The following PKD1L1 variants were observed in gnomAD, a reference collection of about 807,000 sequenced individuals.
PKD1L1 encodes the protein polycystin-1-like protein 1.
PKD1L1 carries 236 observed loss-of-function variants against 323.4 expected under a neutral mutation model. The observed-to-expected ratio is 0.73, with a 90% CI of 0.66 to 0.81. PKD1L1 has a LOEUF of 0.81. Among genes scored for constraint, PKD1L1 ranks in the 40% least tolerant of loss-of-function variants. PKD1L1 has a pLI of 0.00. For synonymous variants in PKD1L1, 1,344 were observed against 1,335.0 expected, an observed-to-expected ratio of 1.01 and a Z score of -0.15; for missense variants, 3,320 against 3,508.0, an observed-to-expected ratio of 0.95 and a Z score of 1.35.
At chr7:47,863,907 C>T (rs946748290) in intron 26 of PKD1L1, among the ~76,000 whole-genome samples, 1 of 152,202 alleles carries the variant, frequency 6.6e-6, no homozygotes, top group East Asian at 1.9e-4. Flanking sequence ...CCATAACAGG[C>T]TCAGAACTCA....
chr7:47,874,908 T>C (rs1471959982), intron 23 of PKD1L1, among the ~76,000 whole-genome samples: 1 of 152,230 alleles, frequency 6.6e-6, no homozygotes. Context: ...GCTGTACTGA[T>C]AGTGACAATT....
At chr7:47,890,888 T>C in intron 15 of PKD1L1, 125 bp from the exon 16 acceptor site, 1 of 795,288 alleles carries the variant, frequency 1.3e-6, no homozygotes, top group Non-Finnish European at 2.0e-6. Flanking sequence ...GGAAGAGATA[T>C]TGCTTCCCAC....
At chr7:47,866,090 G>A (rs909316856) in intron 25 of PKD1L1, among the ~76,000 whole-genome samples, 7 of 152,186 alleles carry the variant, frequency 4.6e-5, no homozygotes, top group African/African-American at 1.7e-4. Context: ...TTCTTCAGAA[G>A]TTGCACAAAA....
chr7:47,811,681 G>A, intron 50 of PKD1L1, 136 bp downstream of exon 50: 1 of 685,022 alleles, frequency 1.5e-6, no homozygotes. Flanking sequence ...TGCAAGAAGG[G>A]GATGTGACAA....
chr7:47,855,642 C>T (rs1347869235), intron 28 of PKD1L1, among the ~76,000 whole-genome samples: 1 of 96,898 alleles, frequency 1.0e-5, no homozygotes, highest in Admixed American at 8.8e-5. Context: ...TTTGGGAGGC[C>T]GAGGCGGGCG....
chr7:47,788,389 C>T (rs1340448136), intron 56 of PKD1L1, among the ~76,000 whole-genome samples: 2 of 150,246 alleles, frequency 1.3e-5, no homozygotes, highest in African/African-American at 4.9e-5. Context: ...CTTCCAGGTT[C>T]AAGAGATTCT....
rs926144496 is a variant in PKD1L1, at chr7:47,853,028, G to A, written c.4960+99C>T. ...GCAGAGAAAGGATTCTGATGTTTTT[G>A]TCATGAATAAAGAAAAACACCACTA... On this transcript the variant is annotated intron_variant, in intron 31 of 56. Coordinates refer to ENST00000289672, the MANE Select transcript of PKD1L1 (RefSeq NM_138295.5). The A allele has an allele frequency of 3.7e-6, 3 of 806,014 alleles. No homozygotes were observed. The Admixed American group carries it at 6.6e-5, about 18-fold the overall frequency. 49.9% of individuals were successfully genotyped at this position (806,014 alleles called of 1,614,324 possible).
chr7:47,786,938 G>A (rs1786822478), intron 56 of PKD1L1, among the ~76,000 whole-genome samples: 2 of 152,194 alleles, frequency 1.3e-5, no homozygotes, highest in Admixed American at 6.5e-5. Context: ...GCAACTCACC[G>A]CATTTTGTTG....
chr7:47,908,712 C>A (rs1395200027), intron 8 of PKD1L1, among the ~76,000 whole-genome samples: 5 of 152,234 alleles, frequency 3.3e-5, no homozygotes, highest in Non-Finnish European at 7.4e-5. Context: ...GTTTTTCACA[C>A]ACTTACAATA....
chr7:47,936,664 C>T (rs1787872761), intron 4 of PKD1L1, among the ~76,000 whole-genome samples, 182 bp downstream of exon 4: 1 of 152,184 alleles, frequency 6.6e-6, no homozygotes, highest in Non-Finnish European at 1.5e-5. Flanking sequence ...ACCTGTTCTA[C>T]TCCTGCAAAT....
At chr7:47,855,313 C>A in intron 28 of PKD1L1, 48 bp from the exon 29 acceptor site, 1 of 1,439,154 alleles carries the variant, frequency 6.9e-7, no homozygotes, top group South Asian at 1.2e-5. Flanking sequence ...AAGCAATGGA[C>A]TTAAGTGAGA....
At chr7:47,857,505 T>C (rs562078358) in intron 28 of PKD1L1, 100 bp downstream of exon 28, 2 of 994,540 alleles carry the variant, frequency 2.0e-6, no homozygotes, top group East Asian at 2.5e-5. Context: ...AAAAAACAGG[T>C]GCAAATATGC....
intron 28 of PKD1L1, among the ~76,000 whole-genome samples, chr7:47,855,733 G>A (rs1425056783): frequency 7.7e-6 from 1 of 129,044 alleles, no homozygotes; most frequent in East Asian, 2.0e-4. Context: ...AAAATTAGCC[G>A]GGCGTAGTGG....
In PKD1L1 at chr7:47,778,501, A is replaced by G. The variant is rs112031545; in HGVS notation, c.8527-3335T>C. Among the ~76,000 whole-genome samples the G allele has an allele frequency of 4.4e-3, 668 of 152,274 alleles. 4 individuals carry two copies. Among genetic ancestry groups the G allele is most frequent in the Non-Finnish European group, 7.3e-3 (496 of 68,006 alleles). The stretch of plus-strand genomic sequence containing the variant: ...ATACAGACCTGGTGGCTCATCAAGG[A>G]GGTATTATAGCCCTCAAACAGGTGA... On this transcript the variant is annotated intron_variant, in intron 56 of 56. Coordinates refer to ENST00000289672, the MANE Select transcript of PKD1L1 (RefSeq NM_138295.5).
chr7:47,942,307 C>T (rs1788003894), intron 2 of PKD1L1, among the ~76,000 whole-genome samples: 1 of 152,146 alleles, frequency 6.6e-6, no homozygotes, highest in African/African-American at 2.4e-5. Context: ...ACGTAAGCAG[C>T]AGCAGCAGGA....
intron 31 of PKD1L1, among the ~76,000 whole-genome samples, chr7:47,852,625 C>T (rs543079766): frequency 3.2e-4 from 48 of 152,244 alleles, no homozygotes; most frequent in Admixed American, 7.8e-4. Context: ...GCTCAGAATC[C>T]TAAGCCACCA....
chr7:47,866,262 A>G (rs1786166609), intron 25 of PKD1L1, among the ~76,000 whole-genome samples, 157 bp downstream of exon 25: 1 of 152,212 alleles, frequency 6.6e-6, no homozygotes, highest in African/African-American at 2.4e-5. Flanking sequence ...TAGAGAGACC[A>G]CAGCCATGTA....
chr7:47,943,505 G>A lies in PKD1L1; in HGVS notation c.51C>T (p.Leu17=), dbSNP rs915231474. Residue 17 remains leucine, a synonymous_variant, in exon 2 of 57, where the codon CTC becomes CTT. Transcript: ENST00000289672. Reference sequence around the variant, plus strand: ...CAAAGGAAAGGCAGCAGGCAGCCTGGAGACACCTAAGGGAAAGAAAATAAC... The same window carrying A: ...CAAAGGAAAGGCAGCAGGCAGCCTGAAGACACCTAAGGGAAAGAAAATAAC... ...QNISDDQERC[L]QAACCLSFGG... 6.2e-7 allele frequency: 1 copy of A among 1,612,250 alleles called. No homozygotes were observed. Among genetic ancestry groups the A allele is most frequent in the East Asian group, 2.2e-5 (1 of 44,824 alleles).
intron 15 of PKD1L1, among the ~76,000 whole-genome samples, chr7:47,891,527 C>T (rs1415124323): frequency 6.6e-6 from 1 of 152,200 alleles, no homozygotes; most frequent in Non-Finnish European, 1.5e-5. Context: ...TAAATGTGAA[C>T]TGATATTGAT....
Sources: allele counts gnomAD v4.1 joint callset (sites outside exome capture counted in the v4.1 genomes callset), GRCh38; gene constraint gnomAD v4.1.1; transcripts MANE v1.5; gene names NCBI Gene and HGNC (gene_info 2026-07-23, HGNC 2026-07-21).